Variants in BAG4 observed in about 807,000 individuals in gnomAD.
BAG4 encodes the protein BAG family molecular chaperone regulator 4.
Under a neutral mutation model 52.1 loss-of-function variants are expected in BAG4, and 28 were observed. That is an observed-to-expected ratio of 0.54 (90% CI 0.40 to 0.74). BAG4 has a LOEUF of 0.74. BAG4 is among the 30% of genes least tolerant of loss of function. The pLI, the probability that BAG4 is intolerant of heterozygous loss-of-function variation, is 0.00. For synonymous variants in BAG4, 208 were observed against 217.0 expected, an observed-to-expected ratio of 0.96 and a Z score of 0.37; for missense variants, 525 against 572.0, an observed-to-expected ratio of 0.92 and a Z score of 0.84.
intron 2 of BAG4, among the ~76,000 whole-genome samples, chr8:38,197,420 C>T (rs1803579919): frequency 6.6e-6 from 1 of 152,116 alleles, no homozygotes; most frequent in African/African-American, 2.4e-5. Flanking sequence ...TGTATCTAAA[C>T]ACATCTAAAT....
chr8:38,193,740 A>AT (rs1307318707), intron 2 of BAG4, among the ~76,000 whole-genome samples: 1,256 of 90,816 alleles, frequency 0.014, 14 homozygotes, highest in Non-Finnish European at 0.017. Flanking sequence ...TAATTTTTTG[A>AT]TTTTTTTTTT....
In BAG4 at chr8:38,177,093, C is replaced by T. The variant is rs1000254934; in HGVS notation, c.224C>T (p.Ser75Leu). ...EGGGGDGYYP[S>L]GGAWPEPGRA... ...GGAGGAGGCGATGGCTACTATCCCT[C>T]GGGAGGCGCCTGGCCAGAGCCTGGT... The change falls in exon 1 of 5, where the codon TCG becomes TTG. Residue 75 changes from serine to leucine, a missense_variant. By Grantham distance (145) the Ser-to-Leu change is moderately radical. Coordinates refer to ENST00000287322, the MANE Select transcript of BAG4 (RefSeq NM_004874.4). 7.4e-6 allele frequency: 12 copies of T among 1,612,548 alleles called. No homozygotes were observed. Among genetic ancestry groups the T allele is most frequent in the East Asian group, 2.2e-5 (1 of 44,880 alleles).
Position 38,207,604 on chromosome 8 carries a change from A to G in BAG4, c.471A>G (p.Ala157=). The G allele has an allele frequency of 6.2e-7, 1 of 1,613,882 alleles. No individual in the cohort carries two copies. Among genetic ancestry groups the G allele is most frequent in the Non-Finnish European group, 8.5e-7 (1 of 1,179,880 alleles). Residue 157 remains alanine (A), a synonymous_variant, in exon 3 of 5, where the codon GCA becomes GCG. Coordinates refer to ENST00000287322, the MANE Select transcript of BAG4 (RefSeq NM_004874.4). ...NTASYSGAYY[A]PGYTQTSYST... ...CCTCATACTCAGGGGCTTATTATGC[A>G]CCTGGTTATACTCAGACCAGTTACT...
intron 1 of BAG4, among the ~76,000 whole-genome samples, chr8:38,183,813 G>A (rs763975218): frequency 1.2e-4 from 18 of 151,892 alleles, no homozygotes; most frequent in Non-Finnish European, 2.1e-4. Flanking sequence ...GTGAGCTACC[G>A]TGCCTGGCAT....
rs1803874412 is a variant in BAG4 at position 38,211,958 on chromosome 8, C to T, written c.*1465C>T. Reference sequence around the variant, plus strand: ...ATTTTTTTTCCCCTAGACTGTCAGGCCTATGAGTAAATACTAAATCTATTA... The same window carrying T: ...ATTTTTTTTCCCCTAGACTGTCAGGTCTATGAGTAAATACTAAATCTATTA... On this transcript the variant is annotated 3_prime_UTR_variant, in exon 5 of 5. Coordinates refer to ENST00000287322, the MANE Select transcript of BAG4 (RefSeq NM_004874.4). The T allele has an allele frequency of 6.6e-6, 1 of 151,972 alleles. No individual in the cohort carries two copies. 9.4% of individuals were successfully genotyped at this position (151,972 alleles called of 1,614,324 possible). A position where few individuals can be genotyped will look rare whatever the true frequency, so the allele number is the denominator to read the frequency against.
At chr8:38,181,886 CAAAAAAAA>C (rs34268146) in intron 1 of BAG4, among the ~76,000 whole-genome samples, 45 of 37,270 alleles carry the variant, frequency 1.2e-3, no homozygotes, top group African/African-American at 4.0e-3. Context: ...GAGACTATCT[CAAAAAAAA>C]AAAAAAAAAA....
At chr8:38,192,233 G>A (rs1585657023) in intron 1 of BAG4, among the ~76,000 whole-genome samples, 1 of 152,314 alleles carries the variant, frequency 6.6e-6, no homozygotes, top group African/African-American at 2.4e-5. Flanking sequence ...TTAGTTATTG[G>A]AGAAGGATAG....
intron 2 of BAG4, 116 bp from the exon 3 acceptor site, chr8:38,207,396 C>A: frequency 1.7e-6 from 2 of 1,185,038 alleles, no homozygotes; most frequent in Admixed American, 2.5e-5. Context: ...GCCACTGTGC[C>A]TGGCCTGCAT....
In BAG4 at chr8:38,186,579, G is replaced by A. The variant is rs76447920; in HGVS notation, c.271-6109G>A. Among the ~76,000 whole-genome samples, 832 of 152,286 alleles carry A rather than the reference G, an allele frequency of 5.5e-3. 12 individuals are homozygous for A. The highest frequency in any genetic ancestry group is 0.019 in the African/African-American group (786 of 41,554). On this transcript the variant is annotated intron_variant, in intron 1 of 4. Coordinates refer to ENST00000287322, the MANE Select transcript of BAG4 (RefSeq NM_004874.4). ...AGTAGGCCAGCTAGTTTGCTGGAGA[G>A]AACCAGGAAAAGAAGAAGCTAGGAG...
At chr8:38,180,600 T>A (rs1381437916) in intron 1 of BAG4, among the ~76,000 whole-genome samples, 1 of 151,734 alleles carries the variant, frequency 6.6e-6, no homozygotes, top group African/African-American at 2.4e-5. Context: ...TTTGTTATTT[T>A]GACTTTTTTT....
rs998122149 is a variant in BAG4 at position 38,195,309 on chromosome 8, C to A, written c.378+2514C>A. The stretch of plus-strand genomic sequence containing the variant: ...GGGACCATGGGTGCACATTACTATG[C>A]CCAGCTAATTTTTAAAATTTGTTCT... On this transcript the variant is annotated intron_variant, in intron 2 of 4. Coordinates refer to ENST00000287322, the MANE Select transcript of BAG4 (RefSeq NM_004874.4). Among the ~76,000 whole-genome samples the A allele has an allele frequency of 2.6e-5, 4 of 152,114 alleles. No individual in the cohort carries two copies. The South Asian group carries it at 8.3e-4, about 32-fold the overall frequency.
At chr8:38,186,293 C>T (rs541278206) in intron 1 of BAG4, among the ~76,000 whole-genome samples, 13 of 152,286 alleles carry the variant, frequency 8.5e-5, no homozygotes, top group African/African-American at 2.9e-4. Flanking sequence ...GCCTCCCTTC[C>T]CGTGGGTACT....
At chr8:38,208,706 T>C (rs1585668244) in intron 3 of BAG4, among the ~76,000 whole-genome samples, 1 of 152,198 alleles carries the variant, frequency 6.6e-6, no homozygotes, top group Non-Finnish European at 1.5e-5. Flanking sequence ...TGCTTCCTTA[T>C]AGCATATGGG....
chr8:38,189,480 G>C (rs552744511), intron 1 of BAG4, among the ~76,000 whole-genome samples: 1 of 152,216 alleles, frequency 6.6e-6, no homozygotes, highest in South Asian at 2.1e-4. Context: ...GTTAGTTATT[G>C]CATTAATTGA....
chr8:38,184,919 T>A (rs1375455504), intron 1 of BAG4, among the ~76,000 whole-genome samples: 6 of 152,030 alleles, frequency 3.9e-5, no homozygotes, highest in Non-Finnish European at 8.8e-5. Context: ...TGAAACCCTG[T>A]CTCTACTAAA....
Position 38,210,308 on chromosome 8 carries a change from G to A in BAG4, c.1189G>A (p.Val397Ile), listed in dbSNP as rs150352965. ...GAAGGTCCAGTATCTTGAACAAGAA[G>A]TAGAAGAATTTGTAGGAAAAAAGAC... ...LEKVQYLEQEVEEFVGKKTDK... is the reference protein window; with the variant it reads ...LEKVQYLEQEIEEFVGKKTDK... The change falls in exon 5 of 5, where the codon GTA becomes ATA. Residue 397 changes from valine (V) to isoleucine (I), a missense_variant. Physicochemically the swap from Val to Ile is conservative, Grantham distance 29. Around this residue, in one of 2 missense-constraint regions of BAG4, gnomAD observed 238 missense variants for 305.8 expected, o/e 0.78. Transcript: ENST00000287322. 2 of 1,614,000 alleles carry A rather than the reference G, an allele frequency of 1.2e-6. No homozygotes were observed. The highest frequency in any genetic ancestry group is 2.7e-5 in the African/African-American group (2 of 74,896).
intron 2 of BAG4, among the ~76,000 whole-genome samples, chr8:38,197,026 G>A (rs545782621): frequency 3.9e-5 from 6 of 152,220 alleles, no homozygotes; most frequent in South Asian, 4.1e-4. Context: ...ACAGTGAGCC[G>A]AGATGAGATC....
In BAG4 at chr8:38,212,369, T is replaced by C. The variant is rs2130696508; in HGVS notation, c.*1876T>C. 6.6e-6 allele frequency: 1 copy of C among 152,310 alleles called. No individual in the cohort carries two copies. Among genetic ancestry groups the C allele is most frequent in the Non-Finnish European group, 1.5e-5 (1 of 68,016 alleles). 9.4% of individuals were successfully genotyped at this position (152,310 alleles called of 1,614,324 possible). ...TACATGTTTGTTTTCTAACAGTTAT[T>C]TTTTAAGCTTTTGAGATAATTTTAG... On this transcript the variant is annotated 3_prime_UTR_variant, in exon 5 of 5. Coordinates refer to ENST00000287322, the MANE Select transcript of BAG4 (RefSeq NM_004874.4).
chr8:38,209,331 A>G, intron 4 of BAG4, 64 bp downstream of exon 4: 2 of 1,599,600 alleles, frequency 1.3e-6, no homozygotes, highest in African/African-American at 1.3e-5. Flanking sequence ...CATGGTTTAT[A>G]TAGTTTCTGT....
Sources: gnomAD v4.1 joint callset for allele counts (sites outside exome capture counted in the v4.1 genomes callset) on GRCh38, gnomAD v4.1.1 for gene constraint, gnomAD v4.1.1 regional missense constraint, MANE v1.5 for transcripts, NCBI Gene and HGNC (gene_info 2026-07-23, HGNC 2026-07-21) for gene names.